The following ISLR2 variants were observed in gnomAD, a reference collection of about 807,000 sequenced individuals.
The protein encoded by ISLR2 is immunoglobulin superfamily containing leucine rich repeat 2, also known as immunoglobulin superfamily containing leucine-rich repeat protein 2.
In ISLR2, 16 loss-of-function variants were observed where a neutral mutation model predicts 25.5. The ratio of observed to expected loss-of-function variants is 0.63; its 90% CI spans 0.43 to 0.95. The LOEUF is 0.95. ISLR2 is among the 40% of genes least tolerant of loss of function. The probability of loss-of-function intolerance (pLI) is 0.00; values close to 1 mark genes in which losing one functional copy is unlikely to be tolerated. For missense variants in ISLR2, 883 were observed against 1,030.7 expected (o/e 0.86, Z 1.96); for synonymous variants, 508 against 486.6 (o/e 1.04, Z -0.58).
At chr15:74,110,930 A>G (rs2072161203) in intron 2 of ISLR2, among the ~76,000 whole-genome samples, 2 of 151,908 alleles carry the variant, frequency 1.3e-5, no homozygotes, top group Non-Finnish European at 2.9e-5. Flanking sequence ...GTGCCATCGC[A>G]CTCCAGCCTG....
intron 2 of ISLR2, among the ~76,000 whole-genome samples, chr15:74,112,254 G>A (rs2072173923): frequency 1.3e-5 from 2 of 152,178 alleles, no homozygotes; most frequent in South Asian, 4.1e-4. Context: ...CTGGAAGATA[G>A]GACTCTGGAC....
intron 2 of ISLR2, among the ~76,000 whole-genome samples, chr15:74,121,002 T>C (rs2072248579): frequency 6.6e-6 from 1 of 151,210 alleles, no homozygotes; most frequent in African/African-American, 2.4e-5. Flanking sequence ...GCCCACCCTA[T>C]CCCTCTTCCC....
intron 2 of ISLR2, among the ~76,000 whole-genome samples, chr15:74,107,236 G>A (rs1011478411): frequency 2.6e-5 from 4 of 152,146 alleles, no homozygotes; most frequent in Non-Finnish European, 5.9e-5. Context: ...CAGGCATCCC[G>A]GCAAAGAACA....
chr15:74,127,844 C>G (rs1425608717), upstream of ISLR2: 1 of 152,434 alleles, frequency 6.6e-6, no homozygotes, highest in African/African-American at 2.4e-5. Context: ...AAGGGTCGAT[C>G]CGCAGAAAGC....
Position 74,134,773 on chromosome 15 carries a change from G to A in ISLR2, c.2019G>A (p.Gln673=). ...EAGGEEPEDV[Q]GEGLDEDAEQ... is the part of the protein sequence containing the mutation. ...GCGGCGAGGAGCCAGAGGACGTGCA[G>A]GGGGAGGGCCTTGATGAAGACGCGG... The change falls in exon 3 of 3, where the codon CAG becomes CAA. Residue 673 remains glutamine (Q), a synonymous_variant. Coordinates refer to ENST00000453268, the MANE Select transcript of ISLR2 (RefSeq NM_020851.3). The A allele has an allele frequency of 6.2e-7, 1 of 1,614,010 alleles. No individual in the cohort carries two copies. Among genetic ancestry groups the A allele is most frequent in the Middle Eastern group, 1.7e-4 (1 of 6,052 alleles).
chr15:74,137,070 G>T (rs1158911724), downstream of ISLR2, among the ~76,000 whole-genome samples: 1 of 152,204 alleles, frequency 6.6e-6, no homozygotes, highest in Non-Finnish European at 1.5e-5. Flanking sequence ...GCGGGTGTCT[G>T]CAGACCCTGA....
chr15:74,128,735 A>C (rs758893488), upstream of ISLR2: 5 of 446,606 alleles, frequency 1.1e-5, no homozygotes, highest in African/African-American at 1.0e-4. Flanking sequence ...TGGACACGCC[A>C]TGCCGGACCG....
intron 2 of ISLR2, among the ~76,000 whole-genome samples, chr15:74,122,565 C>T (rs1309292979): frequency 6.6e-6 from 1 of 152,246 alleles, no homozygotes; most frequent in Admixed American, 6.5e-5. Context: ...GCTTCTTCCT[C>T]TTCCTTTCCT....
chr15:74,133,786 C>G lies in ISLR2; in HGVS notation c.1032C>G (p.Leu344=), dbSNP rs2072490078. The G allele has an allele frequency of 1.9e-6, 3 of 1,613,964 alleles. No homozygotes were observed. The highest frequency in any genetic ancestry group is 2.2e-5 in the East Asian group (1 of 44,872). ...ALANGSLLVP[L]LSAKEAGVYT... ...CAAATGGCTCCCTGTTGGTGCCCCTCCTGAGTGCCAAGGAGGCGGGCGTCT... is the reference window on the plus strand; with the variant it reads ...CAAATGGCTCCCTGTTGGTGCCCCTGCTGAGTGCCAAGGAGGCGGGCGTCT... The change falls in exon 3 of 3, where the codon CTC becomes CTG. Residue 344 remains leucine (L), a synonymous_variant. Coordinates refer to ENST00000453268, the MANE Select transcript of ISLR2 (RefSeq NM_020851.3).
intron 2 of ISLR2, among the ~76,000 whole-genome samples, chr15:74,109,892 C>T (rs1595936666): frequency 6.6e-6 from 1 of 152,166 alleles, no homozygotes; most frequent in Non-Finnish European, 1.5e-5. Flanking sequence ...AACTCCCAGG[C>T]TTAAGCAATC....
At chr15:74,123,184 G>GT (rs1299244688), upstream of ISLR2, among the ~76,000 whole-genome samples, 1 of 152,186 alleles carries the variant, frequency 6.6e-6, no homozygotes, top group Non-Finnish European at 1.5e-5. Flanking sequence ...GTGCACAGCA[G>GT]TTTGGGGGAG....
intron 2 of ISLR2, among the ~76,000 whole-genome samples, chr15:74,104,867 T>C (rs933338234): frequency 1.2e-4 from 17 of 141,826 alleles, no homozygotes; most frequent in African/African-American, 1.6e-4. Flanking sequence ...ATTACAGGCG[T>C]GAGCCACTGC....
In ISLR2 at chr15:74,133,637, G is replaced by C. The variant is rs1218536146; in HGVS notation, c.883G>C (p.Val295Leu). Reference sequence around the variant, plus strand: ...GGTTCTGAGCGGGGAGGACGACGGGGTTGGGGCGGAGGAAGGAGAGGGAGA... The same window carrying C: ...GGTTCTGAGCGGGGAGGACGACGGGCTTGGGGCGGAGGAAGGAGAGGGAGA... ...PPVLSGEDDG[V>L]GAEEGEGEGD... Residue 295 changes from valine (V) to leucine (L), a missense_variant, in exon 3 of 3, where the codon GTT becomes CTT. Around this residue, in one of 2 missense-constraint regions of ISLR2, gnomAD observed 612 missense variants for 642.8 expected, o/e 0.95. Coordinates refer to ENST00000453268, the MANE Select transcript of ISLR2 (RefSeq NM_020851.3). The C allele has an allele frequency of 1.9e-6, 3 of 1,613,526 alleles. No individual in the cohort carries two copies. Among genetic ancestry groups the C allele is most frequent in the Non-Finnish European group, 2.5e-6 (3 of 1,179,802 alleles).
At chr15:74,122,284 TG>T (rs1323720623) in intron 2 of ISLR2, among the ~76,000 whole-genome samples, 2 of 152,232 alleles carry the variant, frequency 1.3e-5, no homozygotes, top group African/African-American at 2.4e-5. Flanking sequence ...CTCTGATCCT[TG>T]AAGGCTGTCA....
At chr15:74,104,581 A>C (rs1190176709) in intron 2 of ISLR2, among the ~76,000 whole-genome samples, 1 of 152,120 alleles carries the variant, frequency 6.6e-6, no homozygotes, top group Non-Finnish European at 1.5e-5. Flanking sequence ...CCAGGAGTTC[A>C]AGACCAGCCT....
At chr15:74,121,610 A>G (rs1407234008) in intron 2 of ISLR2, among the ~76,000 whole-genome samples, 3 of 152,096 alleles carry the variant, frequency 2.0e-5, no homozygotes, top group Non-Finnish European at 4.4e-5. Flanking sequence ...TGAGGCTGAG[A>G]AGGGAGAAAG....
Position 74,134,777 on chromosome 15 carries a change from G to A in ISLR2, c.2023G>A (p.Glu675Lys), listed in dbSNP as rs761162989. The A allele has an allele frequency of 7.4e-6, 12 of 1,613,938 alleles. No homozygotes were observed. The highest frequency in any genetic ancestry group is 8.5e-6 in the Non-Finnish European group (10 of 1,179,972). The change falls in exon 3 of 3, where the codon GAG becomes AAG. Residue 675 changes from glutamate (E) to lysine (K), a missense_variant. This residue lies in a region of ISLR2 where 612 missense variants were observed against 642.8 expected (regional missense o/e 0.95). Transcript: ENST00000453268. ...CGAGGAGCCAGAGGACGTGCAGGGG[G>A]AGGGCCTTGATGAAGACGCGGAGCA... ...GGEEPEDVQG[E>K]GLDEDAEQGD...
In ISLR2 at chr15:74,120,390, G is replaced by A. The variant is rs371169475; in HGVS notation, n.229-10817G>A. Among the ~76,000 whole-genome samples the A allele has an allele frequency of 8.3e-4, 127 of 152,132 alleles. No individual in the cohort carries two copies. In the South Asian group the frequency reaches 0.014, roughly 16 times the overall value. ...ACAAAAATTAGCCGGGTGTGATGGC[G>A]TGTGCCTGTAATCCCAAGCTACTCC... On this transcript the variant is annotated intron_variant and non_coding_transcript_variant, in intron 2 of 3. Coordinates refer to the ISLR2 transcript ENST00000561975.
Position 74,132,613 on chromosome 15 carries a change from C to T in ISLR2, c.-8-134C>T. 5.6e-6 allele frequency: 7 copies of T among 1,253,158 alleles called. No individual in the cohort carries two copies. The highest frequency in any genetic ancestry group is 6.4e-6 in the Non-Finnish European group (6 of 932,582). 77.6% of individuals were successfully genotyped at this position (1,253,158 alleles called of 1,614,324 possible). On this transcript the variant is annotated intron_variant, in intron 2 of 2. Coordinates refer to ENST00000453268, the MANE Select transcript of ISLR2 (RefSeq NM_020851.3). The surrounding 1 kb of genome is among the most constrained non-coding windows in gnomAD (Gnocchi z 4.3). ...TATTGACCTTCACTTCAGAGAGGCT[C>T]CTGGCCATAGAGGAGGTTACCGGAG...
Sources: allele counts gnomAD v4.1 joint callset (sites outside exome capture counted in the v4.1 genomes callset), GRCh38; gene constraint gnomAD v4.1.1; regional missense constraint gnomAD v4.1.1; non-coding constraint Gnocchi (gnomAD v3.1); transcripts MANE v1.5; gene names NCBI Gene and HGNC (gene_info 2026-07-23, HGNC 2026-07-21).